The following NCOA7 variants were observed in gnomAD, a reference collection of about 807,000 sequenced individuals.
NCOA7 encodes the protein 140 kDa estrogen receptor-associated protein.
NCOA7 carries 45 observed loss-of-function variants against 104.3 expected under a neutral mutation model. The ratio of observed to expected loss-of-function variants is 0.43; its 90% CI spans 0.34 to 0.55. The LOEUF (loss-of-function observed/expected upper bound fraction) is 0.55. Among genes scored for constraint, NCOA7 ranks in the 20% least tolerant of loss-of-function variants. The pLI is 0.02. For synonymous variants in NCOA7, 398 were observed against 402.3 expected (o/e 0.99, Z 0.13); for missense variants, 1,041 against 1,119.7 (o/e 0.93, Z 1.00).
At chr6:125,855,309 A>G (rs758409664) in intron 3 of NCOA7, 69 bp downstream of exon 3, 2 of 1,219,808 alleles carry the variant, frequency 1.6e-6, no homozygotes, top group African/African-American at 3.0e-5. Flanking sequence ...AAAGACTATC[A>G]TTTGTGATTG....
chr6:125,812,026 A>G (rs1239348609), intron 1 of NCOA7, among the ~76,000 whole-genome samples: 1 of 152,238 alleles, frequency 6.6e-6, no homozygotes, highest in African/African-American at 2.4e-5. Context: ...AAGGAAATTA[A>G]TTAGTACCTC....
At chr6:125,785,858 G>A (rs1240737135) in intron 1 of NCOA7, among the ~76,000 whole-genome samples, 1 of 152,072 alleles carries the variant, frequency 6.6e-6, no homozygotes, top group Non-Finnish European at 1.5e-5. Context: ...ACAGCTATGC[G>A]GACAACAATC....
chr6:125,870,945 G>A (rs1287069495), intron 3 of NCOA7, among the ~76,000 whole-genome samples: 1 of 152,146 alleles, frequency 6.6e-6, no homozygotes, highest in Non-Finnish European at 1.5e-5. Context: ...TAGGCTGAAG[G>A]ACCTGTGTTT....
intron 2 of NCOA7, among the ~76,000 whole-genome samples, chr6:125,817,021 G>A (rs925235267): frequency 2.6e-5 from 4 of 152,078 alleles, no homozygotes; most frequent in Admixed American, 1.3e-4. Flanking sequence ...GTAACCTTTG[G>A]CATTTAGCTT....
chr6:125,884,873 T>C (rs192132287), intron 7 of NCOA7, among the ~76,000 whole-genome samples: 227 of 152,332 alleles, frequency 1.5e-3, no homozygotes, highest in Non-Finnish European at 2.6e-3. Flanking sequence ...GAGACGTGCA[T>C]GTGAGAACCA....
intron 13 of NCOA7, among the ~76,000 whole-genome samples, chr6:125,927,135 G>A (rs1788102069): frequency 6.6e-6 from 1 of 152,112 alleles, no homozygotes; most frequent in Admixed American, 6.5e-5. Context: ...TCATTTTTAA[G>A]GATATAATTT....
chr6:125,790,867 G>A (rs999615459), upstream of NCOA7: 1 of 152,612 alleles, frequency 6.6e-6, no homozygotes, highest in African/African-American at 2.4e-5. Context: ...ATCCGGACGC[G>A]GGGCCCCGCG....
intron 2 of NCOA7, among the ~76,000 whole-genome samples, chr6:125,820,711 C>T (rs1778102501): frequency 6.6e-6 from 1 of 152,218 alleles, no homozygotes; most frequent in Non-Finnish European, 1.5e-5. Context: ...CCTACATCTT[C>T]ACCTAATTTT....
intron 1 of NCOA7, among the ~76,000 whole-genome samples, chr6:125,800,443 T>C (rs1321910813): frequency 6.6e-6 from 1 of 152,244 alleles, no homozygotes; most frequent in Non-Finnish European, 1.5e-5. Context: ...ATTAGAGTTT[T>C]ATGCTCAGAT....
intron 1 of NCOA7, among the ~76,000 whole-genome samples, chr6:125,784,167 C>T (rs1043992628): frequency 2.0e-5 from 3 of 152,194 alleles, no homozygotes; most frequent in Non-Finnish European, 4.4e-5. Context: ...TACAGTTTTT[C>T]AATTTGATCT....
intron 13 of NCOA7, 38 bp from the exon 14 acceptor site, chr6:125,927,625 G>T (rs756468642): frequency 8.1e-6 from 12 of 1,480,164 alleles, no homozygotes; most frequent in South Asian, 6.8e-5. Context: ...GGGGATTTAG[G>T]TTTGAATGTA....
chr6:125,911,618 T>G (rs1247760942), intron 10 of NCOA7, among the ~76,000 whole-genome samples: 1 of 152,226 alleles, frequency 6.6e-6, no homozygotes, highest in Non-Finnish European at 1.5e-5. Context: ...AGGTCCATCT[T>G]CTGTAACTTC....
chr6:125,798,554 T>C (rs1317907866), intron 1 of NCOA7, among the ~76,000 whole-genome samples: 4 of 152,200 alleles, frequency 2.6e-5, no homozygotes, highest in Non-Finnish European at 4.4e-5. Context: ...AGTAAATGTA[T>C]ATAAGATATT....
At chr6:125,906,139 G>A (rs1785981460) in intron 10 of NCOA7, among the ~76,000 whole-genome samples, 1 of 152,130 alleles carries the variant, frequency 6.6e-6, no homozygotes, top group African/African-American at 2.4e-5. Flanking sequence ...CGCAAGGTGG[G>A]GTGGTGGAAA....
chr6:125,871,150 A>G (rs1782859146), intron 3 of NCOA7, among the ~76,000 whole-genome samples: 1 of 152,156 alleles, frequency 6.6e-6, no homozygotes, highest in Non-Finnish European at 1.5e-5. Flanking sequence ...GTTCTTGTAC[A>G]CGGGGAGGGT....
At chr6:125,927,619 A>G (rs550741592) in intron 13 of NCOA7, 44 bp from the exon 14 acceptor site, 2 of 1,422,328 alleles carry the variant, frequency 1.4e-6, no homozygotes, top group Admixed American at 1.7e-5. Context: ...TGCTTTGGGG[A>G]TTTAGGTTTG....
At position 125,925,553 on chromosome 6, in the gene NCOA7, G is replaced by A. The variant is rs542767465; in HGVS notation, c.2524-2110G>A. Among the ~76,000 whole-genome samples the A allele has an allele frequency of 2.6e-5, 4 of 152,316 alleles. No homozygotes were observed. In the East Asian group the frequency reaches 7.7e-4, roughly 29 times the overall value. The stretch of plus-strand genomic sequence containing the variant: ...AGACTAATTACTAACTTCCAGTGAA[G>A]TATAGAAATGTTACTCCTATTTTGC... On this transcript the variant is annotated intron_variant, in intron 13 of 15. Transcript: ENST00000392477.
At position 125,865,603 on chromosome 6, in the gene NCOA7, A is replaced by G. The variant is rs542911315; in HGVS notation, c.272-9286A>G. On this transcript the variant is annotated intron_variant, in intron 3 of 15. Coordinates refer to ENST00000392477, the MANE Select transcript of NCOA7 (RefSeq NM_181782.5). ...TTGTGCTTTTTATAGAGTCAGGTCA[A>G]TAATTTGAGATGTGTGCATCGCCAA... is the stretch of plus-strand genomic sequence containing the variant. 1.4e-4 allele frequency among the ~76,000 whole-genome samples: 19 copies of G among 137,480 alleles called. 4 individuals carry two copies. In the East Asian group the frequency reaches 3.8e-3, roughly 28 times the overall value. 90.2% of individuals were successfully genotyped at this position (137,480 alleles called of 152,430 possible).
Position 125,864,728 on chromosome 6 carries a change from G to A in NCOA7, c.271+9488G>A, listed in dbSNP as rs1179493732. Among the ~76,000 whole-genome samples, 7 of 137,232 alleles carry A rather than the reference G, an allele frequency of 5.1e-5. 1 individual carries two copies. The highest frequency in any genetic ancestry group is 2.8e-4 in the Admixed American group (4 of 14,480). 90.0% of individuals were successfully genotyped at this position (137,232 alleles called of 152,430 possible). ...CCGAGTTTGCCAGTGTCTTGATCTC[G>A]GACTTCCTAGTGTCCAGAACTCTGG... On this transcript the variant is annotated intron_variant, in intron 3 of 15. Coordinates refer to ENST00000392477, the MANE Select transcript of NCOA7 (RefSeq NM_181782.5).
Sources: allele counts gnomAD v4.1 joint callset (sites outside exome capture counted in the v4.1 genomes callset), GRCh38; gene constraint gnomAD v4.1.1; transcripts MANE v1.5; gene names NCBI Gene and HGNC (gene_info 2026-07-23, HGNC 2026-07-21).